Variants in PDGFD observed in about 807,000 individuals in gnomAD.
PDGFD encodes platelet derived growth factor D.
PDGFD carries 30 observed loss-of-function variants against 44.7 expected under a neutral mutation model. That is an observed-to-expected ratio of 0.67 (90% CI 0.50 to 0.91). The LOEUF is 0.91. Ranked by LOEUF, PDGFD falls within the 40% of genes least tolerant of loss-of-function variation. The pLI, the probability that PDGFD is intolerant of heterozygous loss-of-function variation, is 0.00. For missense variants in PDGFD, 445 were observed against 457.8 expected (o/e 0.97, Z 0.25); for synonymous variants, 173 against 168.4 (o/e 1.03, Z -0.21).
chr11:104,090,173 T>C (rs1015986589), intron 1 of PDGFD, among the ~76,000 whole-genome samples: 16 of 152,330 alleles, frequency 1.1e-4, no homozygotes, highest in African/African-American at 3.4e-4. Flanking sequence ...CTTAGAATCA[T>C]ATTATGACAG....
intron 6 of PDGFD, among the ~76,000 whole-genome samples, chr11:103,920,831 G>T (rs1278373178): frequency 6.6e-6 from 1 of 152,108 alleles, no homozygotes; most frequent in Non-Finnish European, 1.5e-5. Flanking sequence ...TACTGTTCTG[G>T]ATCATATCTT....
At chr11:104,107,037 G>A (rs571594847) in intron 1 of PDGFD, among the ~76,000 whole-genome samples, 2 of 152,192 alleles carry the variant, frequency 1.3e-5, no homozygotes, top group South Asian at 2.1e-4. Flanking sequence ...GAGCTACCAC[G>A]CCCGGCCAAT....
At chr11:103,992,663 G>T (rs1038456053) in intron 3 of PDGFD, among the ~76,000 whole-genome samples, 7 of 152,284 alleles carry the variant, frequency 4.6e-5, no homozygotes, top group East Asian at 3.9e-4. Flanking sequence ...GAAGGTAGAA[G>T]GTTGAATTCC....
chr11:103,924,838 A>G (rs1434049533), intron 6 of PDGFD, among the ~76,000 whole-genome samples: 1 of 152,134 alleles, frequency 6.6e-6, no homozygotes, highest in African/African-American at 2.4e-5. Context: ...TTATACTTTA[A>G]GTTGTGGGAT....
At position 103,955,226 on chromosome 11, in the gene PDGFD, C is replaced by G. The variant is rs185312205; in HGVS notation, c.511-7502G>C. The stretch of plus-strand genomic sequence containing the variant: ...AAAAAAAAACAGTAATGAACAAACA[C>G]ATGATCAACATCCATTCTTTCAACA... On this transcript the variant is annotated intron_variant, in intron 3 of 6. Transcript: ENST00000393158. 2.3e-5 allele frequency among the ~76,000 whole-genome samples: 3 copies of G among 127,740 alleles called. No homozygotes were observed. In the East Asian group the frequency reaches 8.6e-4, roughly 36 times the overall value. The allele number at this position is 127,740 out of a possible 152,430, so 83.8% of individuals were successfully genotyped here. A position where few individuals can be genotyped will look rare whatever the true frequency, so the allele number is the denominator to read the frequency against.
intron 1 of PDGFD, among the ~76,000 whole-genome samples, chr11:104,125,416 TTCTG>T (rs775577009): frequency 1.3e-5 from 2 of 152,140 alleles, no homozygotes; most frequent in Non-Finnish European, 2.9e-5. Flanking sequence ...TGCACCTTTT[TTCTG>T]TCTATTTCTG....
intron 5 of PDGFD, among the ~76,000 whole-genome samples, chr11:103,936,744 A>G (rs1858493830): frequency 6.6e-6 from 1 of 152,296 alleles, no homozygotes; most frequent in Non-Finnish European, 1.5e-5. Flanking sequence ...CACATATTTC[A>G]AACGTCATCA....
At chr11:104,119,071 G>A (rs370734937) in intron 1 of PDGFD, among the ~76,000 whole-genome samples, 142 of 1,106 alleles carry the variant, frequency 0.13, 53 homozygotes, top group South Asian at 0.25. Flanking sequence ...ATAATATATT[G>A]GTATAATATA....
At chr11:104,001,778 G>A (rs955844730) in intron 1 of PDGFD, among the ~76,000 whole-genome samples, 6 of 152,180 alleles carry the variant, frequency 3.9e-5, no homozygotes, top group Non-Finnish European at 7.3e-5. Flanking sequence ...AATTCAGTGA[G>A]CCTGGTCAGG....
chr11:104,086,005 C>T (rs1250181879), intron 1 of PDGFD, among the ~76,000 whole-genome samples: 2 of 152,130 alleles, frequency 1.3e-5, no homozygotes, highest in African/African-American at 4.8e-5. Flanking sequence ...AGGAAGCCCA[C>T]TGTGGAATTT....
chr11:104,090,880 G>T (rs1210613757), intron 1 of PDGFD, among the ~76,000 whole-genome samples: 2 of 152,012 alleles, frequency 1.3e-5, no homozygotes, highest in Non-Finnish European at 1.5e-5. Context: ...TCTTTTCCAG[G>T]AGAAGTTCCC....
chr11:104,073,274 G>A (rs1283241669), intron 1 of PDGFD, among the ~76,000 whole-genome samples: 1 of 152,096 alleles, frequency 6.6e-6, no homozygotes, highest in African/African-American at 2.4e-5. Context: ...AATGGTAAAT[G>A]GCTGTAATAA....
intron 1 of PDGFD, among the ~76,000 whole-genome samples, chr11:104,085,954 G>A (rs540922171): frequency 4.5e-4 from 69 of 152,310 alleles, no homozygotes; most frequent in African/African-American, 1.6e-3. Context: ...GATTCACTGA[G>A]TTAGGGGTTT....
intron 1 of PDGFD, among the ~76,000 whole-genome samples, chr11:104,008,399 T>C (rs1236686781): frequency 6.6e-6 from 1 of 152,122 alleles, no homozygotes; most frequent in Admixed American, 6.6e-5. Context: ...TTAGATATAA[T>C]AGATATTATA....
intron 1 of PDGFD, among the ~76,000 whole-genome samples, chr11:104,104,335 A>G (rs932019765): frequency 7.9e-5 from 12 of 152,104 alleles, no homozygotes; most frequent in African/African-American, 2.9e-4. Flanking sequence ...GGCTAAGTGT[A>G]CAGTGTTTAT....
chr11:104,131,766 G>A (rs149374947), intron 1 of PDGFD, among the ~76,000 whole-genome samples: 2 of 122,648 alleles, frequency 1.6e-5, no homozygotes, highest in Admixed American at 2.0e-4. Flanking sequence ...CTGTCCCAGA[G>A]TTTTCCTTTA....
rs79819495 is a variant in PDGFD, at chr11:104,161,017, C to A, written c.124+2787G>T. Reference sequence around the variant, plus strand: ...GACAGGATAAAACACACCTCATGCCCTGAACAGGACACCCGGCTTTTTTGC... The same window carrying A: ...GACAGGATAAAACACACCTCATGCCATGAACAGGACACCCGGCTTTTTTGC... On this transcript the variant is annotated intron_variant, in intron 1 of 6. Coordinates refer to ENST00000393158, the MANE Select transcript of PDGFD (RefSeq NM_025208.5). Among the ~76,000 whole-genome samples the A allele has an allele frequency of 3.8e-3, 576 of 152,278 alleles. 3 individuals are homozygous for A. Among genetic ancestry groups the A allele is most frequent in the African/African-American group, 0.013 (542 of 41,562 alleles).
At chr11:104,023,141 C>A (rs1859989193) in intron 1 of PDGFD, among the ~76,000 whole-genome samples, 1 of 152,104 alleles carries the variant, frequency 6.6e-6, no homozygotes, top group Non-Finnish European at 1.5e-5. Flanking sequence ...AATTAAAAAT[C>A]TGCTATAACT....
chr11:103,927,173 C>G (rs767258405), intron 5 of PDGFD, 47 bp from the exon 6 acceptor site: 4 of 1,524,826 alleles, frequency 2.6e-6, no homozygotes, highest in African/African-American at 1.4e-5. Context: ...ACAGTAAGCA[C>G]AATTGCTCAG....
Sources: gnomAD v4.1 joint callset for allele counts (sites outside exome capture counted in the v4.1 genomes callset) on GRCh38, gnomAD v4.1.1 for gene constraint, MANE v1.5 for transcripts, NCBI Gene and HGNC (gene_info 2026-07-23, HGNC 2026-07-21) for gene names.